MTREX: variants seen among roughly 807,000 people sequenced by gnomAD.
MTREX encodes the protein Mtr4 exosome RNA helicase.
In MTREX, 76 loss-of-function variants were observed where a neutral mutation model predicts 135.4. The observed-to-expected ratio is 0.56, with a 90% CI of 0.47 to 0.68. The LOEUF (loss-of-function observed/expected upper bound fraction) is 0.68. MTREX is among the 30% of genes least tolerant of loss of function. The pLI is 0.00. For missense variants in MTREX, 920 were observed against 1,262.1 expected (o/e 0.73, Z 4.11); for synonymous variants, 404 against 401.6 (o/e 1.01, Z -0.07).
intron 21 of MTREX, 61 bp downstream of exon 21, chr5:55,400,482 T>C (rs1345940796): frequency 6.0e-6 from 7 of 1,166,388 alleles, no homozygotes; most frequent in Non-Finnish European, 7.2e-6. Flanking sequence ...TAAATATGTG[T>C]TTGTCATTTT....
At chr5:55,421,589 A>G (rs1480896627) in intron 25 of MTREX, among the ~76,000 whole-genome samples, 1 of 152,232 alleles carries the variant, frequency 6.6e-6, no homozygotes, top group Non-Finnish European at 1.5e-5. Flanking sequence ...TTGGTCTCTG[A>G]TAACTTTCAC....
intron 3 of MTREX, among the ~76,000 whole-genome samples, chr5:55,326,988 G>A (rs1444725016): frequency 1.3e-5 from 2 of 152,094 alleles, no homozygotes; most frequent in East Asian, 1.9e-4. Flanking sequence ...CTGAGAATGA[G>A]TTTCCAGCTT....
At chr5:55,339,492 C>G (rs990771077) in intron 5 of MTREX, among the ~76,000 whole-genome samples, 2 of 152,194 alleles carry the variant, frequency 1.3e-5, no homozygotes, top group Non-Finnish European at 2.9e-5. Context: ...CAAAACTGCT[C>G]TATTGTGTTC....
intron 11 of MTREX, among the ~76,000 whole-genome samples, chr5:55,348,025 A>T (rs1749767122): frequency 6.6e-6 from 1 of 152,174 alleles, no homozygotes; most frequent in South Asian, 2.1e-4. Context: ...CTCCCACAAC[A>T]CATGGGAATC....
intron 16 of MTREX, among the ~76,000 whole-genome samples, chr5:55,368,131 G>C (rs1750133911): frequency 2.0e-5 from 3 of 152,114 alleles, no homozygotes; most frequent in African/African-American, 7.2e-5. Flanking sequence ...TTTGTATTTA[G>C]TAGCTCATTG....
chr5:55,366,442 TTG>T (rs1379922585), intron 15 of MTREX, among the ~76,000 whole-genome samples: 1 of 151,996 alleles, frequency 6.6e-6, no homozygotes, highest in Non-Finnish European at 1.5e-5. Context: ...GTGAGCAGCC[TTG>T]CAGTGGGGGA....
chr5:55,366,922 A>C, intron 16 of MTREX, 47 bp downstream of exon 16: 1 of 1,426,562 alleles, frequency 7.0e-7, no homozygotes, highest in Non-Finnish European at 9.5e-7. Context: ...TAGGAGACTG[A>C]CTAGCAAAAT....
chr5:55,341,643 A>T (rs369105804), intron 6 of MTREX, 38 bp from the exon 7 acceptor site: 2 of 1,152,086 alleles, frequency 1.7e-6, no homozygotes. Context: ...CTGTTATGTC[A>T]GAATCCAACT....
intron 5 of MTREX, among the ~76,000 whole-genome samples, chr5:55,335,112 T>A (rs1426404241): frequency 6.6e-6 from 1 of 152,106 alleles, no homozygotes; most frequent in African/African-American, 2.4e-5. Flanking sequence ...TTCATGTTTA[T>A]CATTTCTTTA....
In MTREX at chr5:55,410,840, A is replaced by C. The variant is rs1481199204; in HGVS notation, c.2751+211A>C. 2.6e-5 allele frequency among the ~76,000 whole-genome samples: 4 copies of C among 152,222 alleles called. No homozygotes were observed. In the East Asian group the frequency reaches 7.7e-4, roughly 29 times the overall value. On this transcript the variant is annotated intron_variant, in intron 23 of 26. Transcript: ENST00000230640. ...GGAGAATAAAATAAGATTTGTCAAC[A>C]ATCACCATTAATTAGATTTTAAGTT...
chr5:55,319,256 A>G (rs545669015), intron 1 of MTREX, among the ~76,000 whole-genome samples: 1 of 152,326 alleles, frequency 6.6e-6, no homozygotes, highest in South Asian at 2.1e-4. Flanking sequence ...ACCTAATCAG[A>G]CTTATCCAGA....
chr5:55,320,119 T>G (rs1258754579), intron 1 of MTREX, among the ~76,000 whole-genome samples: 1 of 152,200 alleles, frequency 6.6e-6, no homozygotes, highest in Non-Finnish European at 1.5e-5. Flanking sequence ...TGACAGAATT[T>G]ACAAATTTTA....
intron 16 of MTREX, among the ~76,000 whole-genome samples, chr5:55,377,291 C>T (rs1272371095): frequency 6.6e-6 from 1 of 152,062 alleles, no homozygotes; most frequent in Non-Finnish European, 1.5e-5. Flanking sequence ...CACGCCACTG[C>T]ACTCTAGCCT....
rs763350822 is a variant in MTREX at position 55,424,119 on chromosome 5, TTTTTTA to T, written c.3077-585_3077-580del. On this transcript the variant is annotated intron_variant, in intron 26 of 26. Coordinates refer to ENST00000230640, the MANE Select transcript of MTREX (RefSeq NM_015360.5). Reference sequence around the variant, plus strand: ...GACAGTTTAGTCCTTCCCTATAATTTTTTTTATTTTTATTTTTATTTATTTATTTAG... The same window carrying T: ...GACAGTTTAGTCCTTCCCTATAATTTTTTTTATTTTTATTTATTTATTTAG... 5 of 152,184 alleles carry T rather than the reference TTTTTTA, an allele frequency of 3.3e-5. No individual in the cohort carries two copies. The South Asian group carries it at 8.3e-4, about 25-fold the overall frequency. 9.4% of individuals were successfully genotyped at this position (152,184 alleles called of 1,614,324 possible). A position where few individuals can be genotyped will look rare whatever the true frequency, so the allele number is the denominator to read the frequency against.
At chr5:55,373,017 T>C (rs1050066445) in intron 16 of MTREX, among the ~76,000 whole-genome samples, 5 of 151,732 alleles carry the variant, frequency 3.3e-5, no homozygotes, top group Admixed American at 2.0e-4. Flanking sequence ...TGGGGCACTT[T>C]AGGCCTTAGA....
At chr5:55,390,586 A>T (rs558497094) in intron 19 of MTREX, among the ~76,000 whole-genome samples, 9 of 152,232 alleles carry the variant, frequency 5.9e-5, no homozygotes, top group African/African-American at 1.7e-4. Flanking sequence ...CAGTTTTGAC[A>T]CTGTTGCTTT....
intron 6 of MTREX, 38 bp downstream of exon 6, chr5:55,340,222 A>C (rs751503614): frequency 7.0e-7 from 1 of 1,435,098 alleles, no homozygotes; most frequent in Non-Finnish European, 9.3e-7. Context: ...TTTCGTTTTT[A>C]ATTAAATTAA....
At chr5:55,308,283 A>C (rs977360742) in intron 1 of MTREX, 136 bp downstream of exon 1, 6 of 1,077,848 alleles carry the variant, frequency 5.6e-6, no homozygotes, top group Non-Finnish European at 7.7e-6. Context: ...TCCAGAAAAA[A>C]GTTGGAGAGG....
intron 1 of MTREX, among the ~76,000 whole-genome samples, chr5:55,318,912 C>A (rs1225216675): frequency 6.6e-6 from 1 of 152,082 alleles, no homozygotes; most frequent in Non-Finnish European, 1.5e-5. Flanking sequence ...AAAAAAACTT[C>A]TTATTTGACA....
Sources: gnomAD v4.1 joint callset for allele counts (sites outside exome capture counted in the v4.1 genomes callset) on GRCh38, gnomAD v4.1.1 for gene constraint, MANE v1.5 for transcripts, NCBI Gene and HGNC (gene_info 2026-07-23, HGNC 2026-07-21) for gene names.